CTNNA3: variants seen among roughly 807,000 people sequenced by gnomAD.
The protein encoded by CTNNA3 is catenin alpha 3, also known as catenin alpha-3.
CTNNA3 carries 76 observed loss-of-function variants against 95.7 expected under a neutral mutation model. The observed-to-expected ratio is 0.79, with a 90% CI of 0.66 to 0.96. CTNNA3 has a LOEUF of 0.96. CTNNA3 is among the 40% of genes least tolerant of loss of function. CTNNA3 has a pLI of 0.00. For synonymous variants in CTNNA3, 431 were observed against 374.4 expected (o/e 1.15, Z -1.74); for missense variants, 1,191 against 1,089.8 (o/e 1.09, Z -1.31).
intron 5 of CTNNA3, among the ~76,000 whole-genome samples, chr10:67,475,331 T>C (rs968985557): frequency 7.9e-5 from 12 of 152,344 alleles, no homozygotes; most frequent in Non-Finnish European, 1.6e-4. Flanking sequence ...CATATTTTTA[T>C]TGTGGTGGTA....
chr10:67,291,178 G>A (rs1415940082), intron 5 of CTNNA3, among the ~76,000 whole-genome samples: 1 of 152,048 alleles, frequency 6.6e-6, no homozygotes, highest in Non-Finnish European at 1.5e-5. Flanking sequence ...TAGCTGTAAG[G>A]AGAAAATGAA....
chr10:66,436,100 T>G (rs192971871), intron 11 of CTNNA3, among the ~76,000 whole-genome samples: 53 of 152,298 alleles, frequency 3.5e-4, no homozygotes, highest in Non-Finnish European at 6.9e-4. Context: ...TTCAATTATG[T>G]GGTCAATTTT....
chr10:67,685,465 CG>C (rs1259142828), intron 1 of CTNNA3, among the ~76,000 whole-genome samples: 1 of 152,222 alleles, frequency 6.6e-6, no homozygotes, highest in East Asian at 1.9e-4. Flanking sequence ...AACCATCTAT[CG>C]TCCTGTCCTG....
intron 15 of CTNNA3, among the ~76,000 whole-genome samples, chr10:66,033,194 T>G (rs929093342): frequency 6.7e-6 from 1 of 149,012 alleles, no homozygotes; most frequent in African/African-American, 2.5e-5. Context: ...GCAGTGGCGC[T>G]ATCTCGGCTC....
intron 13 of CTNNA3, among the ~76,000 whole-genome samples, chr10:66,218,074 C>T (rs747036293): frequency 6.6e-6 from 1 of 152,122 alleles, no homozygotes; most frequent in Non-Finnish European, 1.5e-5. Flanking sequence ...GGAGACCTGC[C>T]AACAGGAGTC....
chr10:67,163,813 C>T (rs933361295), intron 7 of CTNNA3, among the ~76,000 whole-genome samples: 7 of 151,742 alleles, frequency 4.6e-5, no homozygotes, highest in Non-Finnish European at 7.4e-5. Flanking sequence ...GATAAACATA[C>T]AAAAATCGAT....
intron 10 of CTNNA3, among the ~76,000 whole-genome samples, chr10:66,559,993 C>T (rs1842504243): frequency 6.6e-6 from 1 of 151,804 alleles, no homozygotes; most frequent in African/African-American, 2.4e-5. Context: ...ACAATAGGCA[C>T]GAAATAAAGA....
intron 5 of CTNNA3, among the ~76,000 whole-genome samples, chr10:67,286,629 C>G (rs1839613201): frequency 6.6e-6 from 1 of 152,152 alleles, no homozygotes; most frequent in Non-Finnish European, 1.5e-5. Flanking sequence ...TCTTTCCATT[C>G]TTACCAAACT....
chr10:66,340,444 T>G (rs1179497937), intron 12 of CTNNA3, among the ~76,000 whole-genome samples: 1 of 151,804 alleles, frequency 6.6e-6, no homozygotes, highest in Non-Finnish European at 1.5e-5. Context: ...GCTGTTTGTT[T>G]GTTTTACGTA....
upstream of CTNNA3, among the ~76,000 whole-genome samples, chr10:67,699,697 C>G (rs577768563): frequency 7.0e-4 from 106 of 152,350 alleles, 1 homozygote; most frequent in Non-Finnish European, 1.0e-4. Context: ...ATGAGCGACG[C>G]AGAAGACGGG....
rs985313080 is a variant in CTNNA3, at chr10:66,011,666, A to G, written c.2160-22869T>C. ...TCAGAAATGTGTAGAGTAGGGGTCA[A>G]TCAAGCCTGGCACTTCTAATTCTTG... On this transcript the variant is annotated intron_variant, in intron 15 of 17. Coordinates refer to ENST00000433211, the MANE Select transcript of CTNNA3 (RefSeq NM_013266.4). Among the ~76,000 whole-genome samples, 36 of 152,252 alleles carry G rather than the reference A, an allele frequency of 2.4e-4. 1 individual carries two copies. The East Asian group carries it at 5.4e-3, about 23-fold the overall frequency.
intron 10 of CTNNA3, among the ~76,000 whole-genome samples, chr10:66,594,536 G>A (rs1843650125): frequency 6.6e-6 from 1 of 152,048 alleles, no homozygotes; most frequent in Non-Finnish European, 1.5e-5. Flanking sequence ...CATTCAAACA[G>A]GTTGCAGTCA....
chr10:66,448,974 T>C (rs2093444117), intron 11 of CTNNA3, among the ~76,000 whole-genome samples: 1 of 152,090 alleles, frequency 6.6e-6, no homozygotes, highest in African/African-American at 2.4e-5. Context: ...AATCCATATG[T>C]CTCTTTCTTT....
At chr10:66,403,318 A>T (rs1589198890) in intron 11 of CTNNA3, among the ~76,000 whole-genome samples, 1 of 152,132 alleles carries the variant, frequency 6.6e-6, no homozygotes, top group African/African-American at 2.4e-5. Context: ...GTCCATTCTT[A>T]CACCTCTATA....
At chr10:67,669,151 T>C (rs2133546360) in intron 1 of CTNNA3, among the ~76,000 whole-genome samples, 1 of 152,244 alleles carries the variant, frequency 6.6e-6, no homozygotes, top group Admixed American at 6.5e-5. Flanking sequence ...TTCCCCTAAA[T>C]TACAGCAGTG....
At chr10:67,652,459 C>A (rs1355382882) in intron 1 of CTNNA3, among the ~76,000 whole-genome samples, 1 of 152,148 alleles carries the variant, frequency 6.6e-6, no homozygotes, top group African/African-American at 2.4e-5. Flanking sequence ...AGAGACTAGG[C>A]TATCTTCTTT....
intron 7 of CTNNA3, among the ~76,000 whole-genome samples, chr10:67,035,243 T>A (rs1028832364): frequency 1.3e-5 from 2 of 152,202 alleles, no homozygotes; most frequent in Admixed American, 1.3e-4. Flanking sequence ...ATAGTCAAAT[T>A]AAGTAAAACT....
chr10:66,949,019 T>G (rs1207829936), intron 7 of CTNNA3, among the ~76,000 whole-genome samples: 2 of 152,196 alleles, frequency 1.3e-5, no homozygotes, highest in Non-Finnish European at 2.9e-5. Flanking sequence ...TAGGAGACTC[T>G]GGAAAAAGCA....
chr10:66,590,216 T>C (rs2132226537), intron 10 of CTNNA3, among the ~76,000 whole-genome samples: 1 of 152,144 alleles, frequency 6.6e-6, no homozygotes, highest in African/African-American at 2.4e-5. Context: ...AGTCCAAATC[T>C]ACCCACTTAC....
Sources: allele counts gnomAD v4.1 joint callset (sites outside exome capture counted in the v4.1 genomes callset), GRCh38; gene constraint gnomAD v4.1.1; transcripts MANE v1.5; gene names NCBI Gene and HGNC (gene_info 2026-07-23, HGNC 2026-07-21).